Variants in MARCHF1 observed in about 807,000 individuals in gnomAD.
MARCHF1 encodes membrane associated ring-CH-type finger 1.
MARCHF1 carries 40 observed loss-of-function variants against 54.2 expected under a neutral mutation model. The ratio of observed to expected loss-of-function variants is 0.74; its 90% CI spans 0.57 to 0.96. The LOEUF (loss-of-function observed/expected upper bound fraction) is 0.96. MARCHF1 is among the 40% of genes least tolerant of loss of function. The pLI, the probability that MARCHF1 is intolerant of heterozygous loss-of-function variation, is 0.00. For synonymous variants in MARCHF1, 236 were observed against 236.3 expected, an observed-to-expected ratio of 1.00 and a Z score of 0.01; for missense variants, 586 against 656.5, an observed-to-expected ratio of 0.89 and a Z score of 1.17.
At chr4:164,305,177 C>T (rs542672190) in intron 1 of MARCHF1, among the ~76,000 whole-genome samples, 1 of 152,164 alleles carries the variant, frequency 6.6e-6, no homozygotes, top group South Asian at 2.1e-4. Flanking sequence ...CCCAAAATGG[C>T]AAAATCCCCA....
intron 8 of MARCHF1, among the ~76,000 whole-genome samples, chr4:163,573,317 T>C (rs1301580519): frequency 6.7e-6 from 1 of 149,584 alleles, no homozygotes; most frequent in Non-Finnish European, 1.5e-5. Context: ...ATTATTATTA[T>C]TATTATTATT....
chr4:164,376,849 C>G (rs1361685799), intron 1 of MARCHF1, among the ~76,000 whole-genome samples: 1 of 152,176 alleles, frequency 6.6e-6, no homozygotes, highest in African/African-American at 2.4e-5. Flanking sequence ...TTGCCCGAGC[C>G]AGAGCCAGAA....
intron 7 of MARCHF1, among the ~76,000 whole-genome samples, chr4:163,587,224 C>G (rs1740438942): frequency 6.6e-6 from 1 of 152,136 alleles, no homozygotes; most frequent in African/African-American, 2.4e-5. Flanking sequence ...CAAATCTCAG[C>G]CCTTTAATAA....
intron 4 of MARCHF1, among the ~76,000 whole-genome samples, chr4:163,744,646 T>A (rs992772005): frequency 2.0e-5 from 3 of 152,220 alleles, no homozygotes; most frequent in Non-Finnish European, 4.4e-5. Flanking sequence ...TAATCGTGCA[T>A]TGCTTACATT....
rs1182064885 is a variant in MARCHF1 at position 164,244,477 on chromosome 4, T to C, written c.-322-132815A>G. 2.8e-3 allele frequency among the ~76,000 whole-genome samples: 416 copies of C among 147,184 alleles called. 2 individuals are homozygous for C. The highest frequency in any genetic ancestry group is 9.6e-3 in the African/African-American group (389 of 40,512). ...AAAGCAGTGTGTAGAGGGAAATTTA[T>C]AGCACTAAATGCCCACAAGAGAAAG... On this transcript the variant is annotated intron_variant, in intron 1 of 9. Coordinates refer to ENST00000514618, the MANE Select transcript of MARCHF1 (RefSeq NM_001394959.1).
intron 2 of MARCHF1, among the ~76,000 whole-genome samples, chr4:164,034,391 A>G (rs997213931): frequency 1.3e-5 from 2 of 152,160 alleles, no homozygotes; most frequent in Non-Finnish European, 2.9e-5. Context: ...TATTAGTACA[A>G]TCTGTATGGA....
rs1465878848 is a variant in MARCHF1, at chr4:164,043,675, C to T, written c.-247-54966G>A. Among the ~76,000 whole-genome samples, 4 of 152,208 alleles carry T rather than the reference C, an allele frequency of 2.6e-5. No individual in the cohort carries two copies. In the South Asian group the frequency reaches 6.2e-4, roughly 24 times the overall value. The stretch of plus-strand genomic sequence containing the variant: ...AAACTTCTACAGCCAGTTTGAATTT[C>T]TCCCCAGAAAAAGAGTTTTTCTTTT... On this transcript the variant is annotated intron_variant, in intron 2 of 9. Transcript: ENST00000514618.
intron 1 of MARCHF1, among the ~76,000 whole-genome samples, chr4:164,327,145 T>G (rs1295562626): frequency 6.6e-6 from 1 of 152,112 alleles, no homozygotes; most frequent in Admixed American, 6.5e-5. Flanking sequence ...AAAATAGTAA[T>G]CAGAAATATA....
chr4:163,591,134 C>T (rs1740579481), intron 7 of MARCHF1, among the ~76,000 whole-genome samples: 1 of 151,668 alleles, frequency 6.6e-6, no homozygotes, highest in Admixed American at 6.6e-5. Flanking sequence ...TCTATGACCA[C>T]TATTGTCCCA....
At chr4:163,620,644 G>C (rs1206213302) in intron 5 of MARCHF1, among the ~76,000 whole-genome samples, 26 of 122,062 alleles carry the variant, frequency 2.1e-4, no homozygotes, top group South Asian at 7.8e-4. Flanking sequence ...GAGAGAGAGA[G>C]AGACACGCAC....
intron 1 of MARCHF1, among the ~76,000 whole-genome samples, chr4:164,242,792 T>C (rs1267670949): frequency 3.9e-5 from 6 of 152,202 alleles, no homozygotes; most frequent in Admixed American, 1.3e-4. Flanking sequence ...AAGGAGTTGA[T>C]AGAGCTGAAA....
chr4:164,068,118 G>C (rs974175110), intron 2 of MARCHF1, among the ~76,000 whole-genome samples: 1 of 152,160 alleles, frequency 6.6e-6, no homozygotes, highest in Non-Finnish European at 1.5e-5. Context: ...ATACACTATC[G>C]GTGAGAATGT....
At chr4:163,723,557 T>C (rs897899851) in intron 4 of MARCHF1, among the ~76,000 whole-genome samples, 1 of 152,280 alleles carries the variant, frequency 6.6e-6, no homozygotes, top group East Asian at 1.9e-4. Flanking sequence ...TTTCCTGAAT[T>C]TGAATGTTGG....
At chr4:163,770,172 A>G (rs890279980) in intron 4 of MARCHF1, among the ~76,000 whole-genome samples, 1 of 152,160 alleles carries the variant, frequency 6.6e-6, no homozygotes, top group Non-Finnish European at 1.5e-5. Flanking sequence ...ATGGTCAACA[A>G]TAGGCTATTG....
At chr4:163,948,600 C>A (rs1046892374) in intron 3 of MARCHF1, among the ~76,000 whole-genome samples, 5 of 152,174 alleles carry the variant, frequency 3.3e-5, no homozygotes, top group African/African-American at 1.2e-4. Flanking sequence ...GTAGACAGGA[C>A]ATGAGCTGGG....
intron 8 of MARCHF1, among the ~76,000 whole-genome samples, chr4:163,569,890 G>A (rs1739784486): frequency 6.6e-6 from 1 of 152,134 alleles, no homozygotes. Flanking sequence ...ATGAACGCCT[G>A]GAGCAATTAG....
chr4:163,662,747 G>A (rs1228846248), intron 5 of MARCHF1, among the ~76,000 whole-genome samples: 1 of 151,826 alleles, frequency 6.6e-6, no homozygotes, highest in African/African-American at 2.4e-5. Context: ...TTGTTTTTGG[G>A]AAAATTTTCT....
intron 1 of MARCHF1, among the ~76,000 whole-genome samples, chr4:164,244,410 G>A (rs1337258813): frequency 5.3e-5 from 8 of 151,762 alleles, no homozygotes; most frequent in Admixed American, 2.0e-4. Flanking sequence ...TGAAACCAAC[G>A]AGAACAAAGA....
intron 1 of MARCHF1, among the ~76,000 whole-genome samples, chr4:164,293,532 A>G (rs1351655619): frequency 2.0e-5 from 3 of 152,378 alleles, no homozygotes; most frequent in East Asian, 1.9e-4. Flanking sequence ...TTCTTGCTCA[A>G]ATAAACTCTG....
Sources: gnomAD v4.1 joint callset for allele counts (sites outside exome capture counted in the v4.1 genomes callset) on GRCh38, gnomAD v4.1.1 for gene constraint, MANE v1.5 for transcripts, NCBI Gene and HGNC (gene_info 2026-07-23, HGNC 2026-07-21) for gene names.